The following LRRTM4 variants were observed in gnomAD, a reference collection of about 807,000 sequenced individuals.
LRRTM4 encodes the protein leucine rich repeat transmembrane neuronal 4.
In LRRTM4, 25 loss-of-function variants were observed where a neutral mutation model predicts 47.6. The ratio of observed to expected loss-of-function variants is 0.53; its 90% CI spans 0.38 to 0.73. LRRTM4 has a LOEUF of 0.73. LRRTM4 is among the 30% of genes least tolerant of loss of function. The probability of loss-of-function intolerance (pLI) is 0.00; values close to 1 mark genes in which losing one functional copy is unlikely to be tolerated. For missense variants in LRRTM4, 638 were observed against 713.4 expected (o/e 0.89, Z 1.20); for synonymous variants, 311 against 269.5 (o/e 1.15, Z -1.51).
chr2:77,135,247 G>T (rs116238508), intron 3 of LRRTM4, among the ~76,000 whole-genome samples: 1 of 152,248 alleles, frequency 6.6e-6, no homozygotes, highest in African/African-American at 2.4e-5. Context: ...GACTCCAGAG[G>T]GTTCTCTGCA....
At chr2:77,331,402 A>AGAGGGCAGCGATTATC (rs1399822165) in intron 3 of LRRTM4, among the ~76,000 whole-genome samples, 2 of 152,148 alleles carry the variant, frequency 1.3e-5, no homozygotes, top group Non-Finnish European at 2.9e-5. Flanking sequence ...GTAGTGGGAT[A>AGAGGGCAGCGATTATC]GAGGGCAGCG....
At chr2:76,932,133 G>T (rs1379548440) in intron 3 of LRRTM4, among the ~76,000 whole-genome samples, 1 of 152,026 alleles carries the variant, frequency 6.6e-6, no homozygotes, top group Admixed American at 6.6e-5. Context: ...ATTGGATGAG[G>T]CTGGAAAAAG....
At chr2:77,283,843 C>A (rs1676578801) in intron 3 of LRRTM4, among the ~76,000 whole-genome samples, 1 of 151,906 alleles carries the variant, frequency 6.6e-6, no homozygotes, top group Non-Finnish European at 1.5e-5. Context: ...AGGTAAGTGG[C>A]AAGGGTTGAA....
At chr2:77,028,310 A>T (rs1205607497) in intron 3 of LRRTM4, among the ~76,000 whole-genome samples, 1 of 152,234 alleles carries the variant, frequency 6.6e-6, no homozygotes, top group South Asian at 2.1e-4. Context: ...AGAAGCCAAA[A>T]GCATGAATGG....
rs141574190 is a variant in LRRTM4, at chr2:77,312,517, T to C, written c.1551+205801A>G. On this transcript the variant is annotated intron_variant, in intron 3 of 3. Coordinates refer to ENST00000409884, the MANE Select transcript of LRRTM4 (RefSeq NM_001134745.3). ...GACAAATACATTTAATGGATTTTTG[T>C]TAATTAATACATAAATATTCATTGT... is the stretch of plus-strand genomic sequence containing the variant. Among the ~76,000 whole-genome samples the C allele has an allele frequency of 6.1e-3, 925 of 152,320 alleles. 12 individuals are homozygous for C. Among genetic ancestry groups the C allele is most frequent in the African/African-American group, 0.02 (842 of 41,574 alleles).
chr2:77,197,468 T>C (rs1413650342), intron 3 of LRRTM4, among the ~76,000 whole-genome samples: 1 of 152,178 alleles, frequency 6.6e-6, no homozygotes, highest in East Asian at 1.9e-4. Flanking sequence ...TATTTCAGAT[T>C]GCTGATTTTA....
At chr2:77,050,283 G>C (rs992154495) in intron 3 of LRRTM4, among the ~76,000 whole-genome samples, 1 of 152,082 alleles carries the variant, frequency 6.6e-6, no homozygotes, top group African/African-American at 2.4e-5. Flanking sequence ...TGAGCTGGAG[G>C]TAATAGGCTG....
intron 3 of LRRTM4, among the ~76,000 whole-genome samples, chr2:77,371,650 G>A (rs1672660701): frequency 6.6e-6 from 1 of 151,500 alleles, no homozygotes; most frequent in South Asian, 2.1e-4. Flanking sequence ...CCGGTTTTTG[G>A]GGGGTCCTCC....
chr2:76,790,575 C>T (rs752110218), intron 3 of LRRTM4, among the ~76,000 whole-genome samples: 3 of 152,246 alleles, frequency 2.0e-5, no homozygotes, highest in Middle Eastern at 3.4e-3. Context: ...TAGTGTTTGA[C>T]ACATAGTAGC....
At chr2:77,477,617 C>T (rs571758949) in intron 3 of LRRTM4, among the ~76,000 whole-genome samples, 17 of 151,616 alleles carry the variant, frequency 1.1e-4, no homozygotes, top group East Asian at 1.9e-4. Flanking sequence ...CCGAGGTGGA[C>T]GGATGACCTG....
chr2:77,519,609 A>C lies in LRRTM4; in HGVS notation c.260T>G (p.Leu87Arg). 2 of 1,613,514 alleles carry C rather than the reference A, an allele frequency of 1.2e-6. No homozygotes were observed. The highest frequency in any genetic ancestry group is 1.7e-6 in the Non-Finnish European group (2 of 1,179,650). The change falls in exon 3 of 4, where the codon CTT becomes CGT. Residue 87 changes from leucine (L) to arginine (R), a missense_variant. Leu to Arg is a moderately radical substitution (Grantham distance 102). Transcript: ENST00000409884. This position sits in a 1 kb window ranked among gnomAD's most constrained non-coding sequence, Gnocchi z 4.6. ...ATTATGGTCAAGATAAAGCCATATA[A>C]GCTGGTTAAGGCCGGCAAACTGATT... Reference protein sequence around the residue: ...KSNQFAGLNQLIWLYLDHNYI... With the variant: ...KSNQFAGLNQRIWLYLDHNYI...
rs531024046 is a variant in LRRTM4, at chr2:76,768,413, G to T, written c.1552-19497C>A. Among the ~76,000 whole-genome samples, 332 of 152,160 alleles carry T rather than the reference G, an allele frequency of 2.2e-3. 2 individuals are homozygous for T. Among genetic ancestry groups the T allele is most frequent in the African/African-American group, 7.8e-3 (323 of 41,522 alleles). ...GATTTTTTCTTTAGAATAAATATTG[G>T]CTTTTCATTAGGTCAATCCAGAGTT... On this transcript the variant is annotated intron_variant, in intron 3 of 3. Coordinates refer to ENST00000409884, the MANE Select transcript of LRRTM4 (RefSeq NM_001134745.3).
At chr2:77,376,689 T>C (rs572163797) in intron 3 of LRRTM4, among the ~76,000 whole-genome samples, 1 of 152,020 alleles carries the variant, frequency 6.6e-6, no homozygotes, top group South Asian at 2.1e-4. Flanking sequence ...GGTAAAGTGC[T>C]ATTCTCATAA....
chr2:76,857,278 A>G (rs2103994653), intron 3 of LRRTM4, among the ~76,000 whole-genome samples: 1 of 148,934 alleles, frequency 6.7e-6, no homozygotes, highest in African/African-American at 2.5e-5. Flanking sequence ...CCTTTTCTCT[A>G]GATACCTTGT....
chr2:77,338,628 G>A (rs1671252411), intron 3 of LRRTM4, among the ~76,000 whole-genome samples: 1 of 151,950 alleles, frequency 6.6e-6, no homozygotes, highest in African/African-American at 2.4e-5. Flanking sequence ...TAGAGAAAAG[G>A]AAACACTCAT....
chr2:77,277,995 T>C (rs1462552201), intron 3 of LRRTM4, among the ~76,000 whole-genome samples: 1 of 152,002 alleles, frequency 6.6e-6, no homozygotes, highest in Non-Finnish European at 1.5e-5. Context: ...TTTCTCTCTC[T>C]TTCTTTCCCC....
chr2:77,005,249 A>T (rs942961932), intron 3 of LRRTM4, among the ~76,000 whole-genome samples: 1 of 152,098 alleles, frequency 6.6e-6, no homozygotes, highest in Non-Finnish European at 1.5e-5. Flanking sequence ...GGTTCAAGGG[A>T]TTCGCCTGCC....
chr2:77,420,256 A>C (rs2103879654), intron 3 of LRRTM4, among the ~76,000 whole-genome samples: 1 of 152,276 alleles, frequency 6.6e-6, no homozygotes. Flanking sequence ...GATTACCTCA[A>C]AGCAAACCAG....
intron 3 of LRRTM4, among the ~76,000 whole-genome samples, chr2:76,943,341 C>G (rs1675215539): frequency 6.6e-6 from 1 of 152,164 alleles, no homozygotes; most frequent in African/African-American, 2.4e-5. Flanking sequence ...GAGGCTGAGG[C>G]AGGAGAATAG....
Sources: allele counts gnomAD v4.1 joint callset (sites outside exome capture counted in the v4.1 genomes callset), GRCh38; gene constraint gnomAD v4.1.1; non-coding constraint Gnocchi (gnomAD v3.1); transcripts MANE v1.5; gene names NCBI Gene and HGNC (gene_info 2026-07-23, HGNC 2026-07-21).